The following CTNND2 variants were observed in gnomAD, a reference collection of about 807,000 sequenced individuals.
CTNND2 encodes the protein catenin delta 2.
A neutral mutation model predicts 144.4 loss-of-function variants in CTNND2; 22 were observed. The observed-to-expected ratio is 0.15, with a 90% CI of 0.11 to 0.22. The LOEUF is 0.22. Among genes scored for constraint, CTNND2 ranks in the 10% least tolerant of loss-of-function variants. The pLI, the probability that CTNND2 is intolerant of heterozygous loss-of-function variation, is 1.00. For missense variants in CTNND2, 1,353 were observed against 1,618.8 expected (o/e 0.84, Z 2.82); for synonymous variants, 751 against 695.6 (o/e 1.08, Z -1.25).
At chr5:11,573,362 C>G (rs566148431) in intron 2 of CTNND2, among the ~76,000 whole-genome samples, 1 of 152,182 alleles carries the variant, frequency 6.6e-6, no homozygotes, top group East Asian at 1.9e-4. Flanking sequence ...CCTGGGTGAT[C>G]TTTTTTCTTA....
chr5:11,685,268 G>A (rs1339615536), intron 2 of CTNND2, among the ~76,000 whole-genome samples: 1 of 152,132 alleles, frequency 6.6e-6, no homozygotes, highest in Non-Finnish European at 1.5e-5. Context: ...AGGGAGTCTT[G>A]GAGAAAAAGG....
At chr5:11,754,089 G>A (rs941115732) in intron 1 of CTNND2, among the ~76,000 whole-genome samples, 11 of 151,160 alleles carry the variant, frequency 7.3e-5, no homozygotes, top group Admixed American at 6.6e-4. Flanking sequence ...CTAGCTAGTG[G>A]TATATCAATC....
chr5:11,026,358 T>TC lies in CTNND2; in HGVS notation c.2789-3380_2789-3379insG, dbSNP rs893728647. ...GCTGACTACTCCACCTTCTTCTTCTTTTTTTTTTTTTTTTTTTTTAAGACA... is the reference window on the plus strand; with the variant it reads ...GCTGACTACTCCACCTTCTTCTTCTTCTTTTTTTTTTTTTTTTTTTAAGACA... On this transcript the variant is annotated intron_variant, in intron 16 of 21. Coordinates refer to ENST00000304623, the MANE Select transcript of CTNND2 (RefSeq NM_001332.4). Among the ~76,000 whole-genome samples, 10 of 140,770 alleles carry TC rather than the reference T, an allele frequency of 7.1e-5. No individual in the cohort carries two copies. The East Asian group carries it at 1.0e-3, about 14-fold the overall frequency. The allele number at this position is 140,770 out of a possible 152,430, so 92.4% of individuals were successfully genotyped here.
At chr5:11,007,658 A>G (rs1740629822) in intron 18 of CTNND2, among the ~76,000 whole-genome samples, 1 of 152,260 alleles carries the variant, frequency 6.6e-6, no homozygotes, top group African/African-American at 2.4e-5. Context: ...CAAAGGAGTC[A>G]TGGACTTGGG....
intron 2 of CTNND2, among the ~76,000 whole-genome samples, chr5:11,616,381 T>G (rs1451380820): frequency 1.3e-5 from 2 of 152,210 alleles, no homozygotes; most frequent in Non-Finnish European, 2.9e-5. Flanking sequence ...AGAAATGCCT[T>G]GTCACACATG....
At chr5:11,347,645 T>G (rs1754932218) in intron 8 of CTNND2, among the ~76,000 whole-genome samples, 1 of 152,202 alleles carries the variant, frequency 6.6e-6, no homozygotes, top group Non-Finnish European at 1.5e-5. Context: ...CCACTTGCTT[T>G]CTGGTGCTGT....
rs999639158 is a variant in CTNND2 at position 10,973,776 on chromosome 5, C to T, written c.3418-63G>A. The T allele has an allele frequency of 4.6e-6, 7 of 1,509,370 alleles. No homozygotes were observed. The highest frequency in any genetic ancestry group is 6.2e-6 in the Non-Finnish European group (7 of 1,128,384). 93.5% of individuals were successfully genotyped at this position (1,509,370 alleles called of 1,614,324 possible). A position where few individuals can be genotyped will look rare whatever the true frequency, so the allele number is the denominator to read the frequency against. On this transcript the variant is annotated intron_variant, in intron 21 of 21. Coordinates refer to ENST00000304623, the MANE Select transcript of CTNND2 (RefSeq NM_001332.4). This position sits in a 1 kb window ranked among gnomAD's most constrained non-coding sequence, Gnocchi z 5.6. ...TTCCCTTGACTCAGCCTGCCTCTTG[C>T]CCCGGCACCCAACTCTCCTTCAAAG...
intron 1 of CTNND2, among the ~76,000 whole-genome samples, chr5:11,782,491 A>G (rs938772995): frequency 6.6e-6 from 1 of 152,232 alleles, no homozygotes; most frequent in African/African-American, 2.4e-5. Context: ...CCTATTATGT[A>G]AATTCCAACC....
intron 2 of CTNND2, among the ~76,000 whole-genome samples, chr5:11,652,189 T>C (rs1294600575): frequency 6.6e-6 from 1 of 152,232 alleles, no homozygotes; most frequent in African/African-American, 2.4e-5. Flanking sequence ...GCTATTTTTG[T>C]GATAGTGAGT....
intron 8 of CTNND2, among the ~76,000 whole-genome samples, chr5:11,359,154 GC>G (rs1443704362): frequency 6.6e-6 from 1 of 152,116 alleles, no homozygotes; most frequent in Non-Finnish European, 1.5e-5. Flanking sequence ...AATTCATGAG[GC>G]CCACACATTC....
chr5:11,389,967 G>A (rs934511372), intron 6 of CTNND2, among the ~76,000 whole-genome samples: 7 of 152,126 alleles, frequency 4.6e-5, no homozygotes, highest in Admixed American at 2.6e-4. Context: ...GACTGGGGGG[G>A]AGTCCCATCC....
At chr5:11,672,180 G>A (rs1223526192) in intron 2 of CTNND2, among the ~76,000 whole-genome samples, 1 of 152,178 alleles carries the variant, frequency 6.6e-6, no homozygotes, top group African/African-American at 2.4e-5. Flanking sequence ...ACACCTGCCA[G>A]ATGCCAGCCA....
chr5:11,809,373 T>TG (rs909669727), intron 1 of CTNND2, among the ~76,000 whole-genome samples: 1 of 152,214 alleles, frequency 6.6e-6, no homozygotes, highest in Non-Finnish European at 1.5e-5. Context: ...AGCAATACAT[T>TG]GGTGGGATTC....
intron 15 of CTNND2, among the ~76,000 whole-genome samples, chr5:11,089,199 T>C (rs905439942): frequency 6.6e-6 from 1 of 152,198 alleles, no homozygotes; most frequent in African/African-American, 2.4e-5. Context: ...GAAAATAACT[T>C]ATCTCGCTTG....
chr5:11,874,852 G>A (rs577779522), intron 1 of CTNND2, among the ~76,000 whole-genome samples: 1 of 152,232 alleles, frequency 6.6e-6, no homozygotes, highest in East Asian at 1.9e-4. Flanking sequence ...TACCCAGATA[G>A]CCTGTACTAT....
intron 2 of CTNND2, among the ~76,000 whole-genome samples, chr5:11,721,843 C>G (rs1421208280): frequency 6.6e-6 from 1 of 152,202 alleles, no homozygotes; most frequent in Non-Finnish European, 1.5e-5. Flanking sequence ...CACATGCATT[C>G]CCTTCCACCA....
chr5:11,688,350 G>C (rs373829063), intron 2 of CTNND2, among the ~76,000 whole-genome samples: 15 of 152,146 alleles, frequency 9.9e-5, no homozygotes, highest in African/African-American at 3.6e-4. Context: ...CAGCAGGCAG[G>C]AATGGCTTAA....
At chr5:11,298,062 G>A (rs1208892875) in intron 9 of CTNND2, among the ~76,000 whole-genome samples, 1 of 152,106 alleles carries the variant, frequency 6.6e-6, no homozygotes, top group African/African-American at 2.4e-5. Flanking sequence ...TTGTACATAA[G>A]GAACCATGCC....
intron 11 of CTNND2, among the ~76,000 whole-genome samples, chr5:11,171,073 A>T (rs968355585): frequency 1.3e-5 from 2 of 152,118 alleles, no homozygotes; most frequent in Admixed American, 6.5e-5. Flanking sequence ...ACAATTCAAG[A>T]AGAGATTTGG....
Sources: gnomAD v4.1 joint callset for allele counts (sites outside exome capture counted in the v4.1 genomes callset) on GRCh38, gnomAD v4.1.1 for gene constraint, Gnocchi (gnomAD v3.1) non-coding constraint, MANE v1.5 for transcripts, NCBI Gene and HGNC (gene_info 2026-07-23, HGNC 2026-07-21) for gene names.